The following TCP11L1 variants were observed in gnomAD, a reference collection of about 807,000 sequenced individuals.
The protein encoded by TCP11L1 is t-complex 11 like 1.
TCP11L1 carries 28 observed loss-of-function variants against 48.9 expected under a neutral mutation model. The observed-to-expected ratio is 0.57, with a 90% CI of 0.42 to 0.78. The LOEUF is 0.78. Ranked by LOEUF, TCP11L1 falls within the 30% of genes least tolerant of loss-of-function variation. The pLI, the probability that TCP11L1 is intolerant of heterozygous loss-of-function variation, is 0.00. For synonymous variants in TCP11L1, 204 were observed against 231.9 expected (o/e 0.88, Z 1.09); for missense variants, 505 against 613.4 (o/e 0.82, Z 1.87).
intron 3 of TCP11L1, among the ~76,000 whole-genome samples, chr11:33,055,974 T>G (rs185533395): frequency 6.0e-4 from 92 of 152,112 alleles, no homozygotes; most frequent in Non-Finnish European, 9.7e-4. Flanking sequence ...TGCGCCACCA[T>G]GCCCAGCTAA....
At chr11:33,068,615 C>A in intron 8 of TCP11L1, 72 bp from the exon 9 acceptor site, 1 of 1,536,614 alleles carries the variant, frequency 6.5e-7, no homozygotes. Context: ...CATTCTCACC[C>A]GGGTGTGGGC....
chr11:33,065,872 C>T lies in TCP11L1; in HGVS notation c.1015C>T (p.Gln339Ter). The change falls in exon 8 of 10, where the codon CAG (glutamine) becomes TAG (stop). Residue 339 changes from glutamine (Q) to a stop codon, truncating the protein, a stop_gained. Transcript: ENST00000334274. LOFTEE classifies it high-confidence loss of function. ...GTCTCGCTTCCACGAGCTCCAGTTG[C>T]AGCTGGAACAACTGACCATCCTGGG... ...DQSRFHELQL[Q>*]LEQLTILGAV... The T allele has an allele frequency of 1.2e-6, 2 of 1,614,098 alleles. No individual in the cohort carries two copies. Among genetic ancestry groups the T allele is most frequent in the Non-Finnish European group, 1.7e-6 (2 of 1,179,968 alleles).
At chr11:33,060,334 C>T (rs1306758400) in intron 6 of TCP11L1, among the ~76,000 whole-genome samples, 1 of 152,182 alleles carries the variant, frequency 6.6e-6, no homozygotes, top group Non-Finnish European at 1.5e-5. Flanking sequence ...ACATGAAAGC[C>T]TGGGTTTCCC....
At position 33,062,925 on chromosome 11, in the gene TCP11L1, C is replaced by T. The variant is rs556314143; in HGVS notation, c.972+1199C>T. ...ATTGAATTGCTCAGGCTAGGTGGTACGACAGCTCACTGTAACTTTGAACTT... is the reference window on the plus strand; with the variant it reads ...ATTGAATTGCTCAGGCTAGGTGGTATGACAGCTCACTGTAACTTTGAACTT... On this transcript the variant is annotated intron_variant, in intron 7 of 9. Coordinates refer to ENST00000334274, the MANE Select transcript of TCP11L1 (RefSeq NM_018393.4). Among the ~76,000 whole-genome samples, 9 of 152,244 alleles carry T rather than the reference C, an allele frequency of 5.9e-5. No homozygotes were observed. In the South Asian group the frequency reaches 1.5e-3, roughly 25 times the overall value.
At chr11:33,044,065 G>T (rs1853916219) in intron 2 of TCP11L1, 129 bp downstream of exon 2, 1 of 936,316 alleles carries the variant, frequency 1.1e-6, no homozygotes, top group Non-Finnish European at 1.5e-6. Context: ...GTAGCATTTA[G>T]GAATAATAGC....
In TCP11L1 at chr11:33,065,933, C is replaced by T. The variant is rs767546104; in HGVS notation, c.1076C>T (p.Pro359Leu). Residue 359 changes from proline to leucine, a missense_variant, in exon 8 of 10, where the codon CCA becomes CTA. Pro to Leu is a moderately conservative substitution (Grantham distance 98). This residue lies in a region of TCP11L1 where 335 missense variants were observed against 413.3 expected (regional missense o/e 0.81). Coordinates refer to ENST00000334274, the MANE Select transcript of TCP11L1 (RefSeq NM_018393.4). ...VLLVTFSMAA[P>L]GISSQADFAE... is the part of the protein sequence containing the mutation. Reference sequence around the variant, plus strand: ...CTGGTCACCTTCAGCATGGCAGCGCCAGGAATTTCCAGCCAGGCCGACTTT... The same window carrying T: ...CTGGTCACCTTCAGCATGGCAGCGCTAGGAATTTCCAGCCAGGCCGACTTT... The T allele has an allele frequency of 6.2e-7, 1 of 1,614,196 alleles. No homozygotes were observed. The highest frequency in any genetic ancestry group is 2.2e-5 in the East Asian group (1 of 44,892).
chr11:33,048,658 A>G, intron 2 of TCP11L1, among the ~76,000 whole-genome samples: 1 of 152,166 alleles, frequency 6.6e-6, no homozygotes, highest in East Asian at 1.9e-4. Context: ...CTTCTTCCTA[A>G]TGGTGAGGTT....
chr11:33,069,179 G>A (rs950263093), intron 9 of TCP11L1, among the ~76,000 whole-genome samples: 11 of 152,170 alleles, frequency 7.2e-5, no homozygotes, highest in Admixed American at 5.9e-4. Context: ...TTACAAGGTC[G>A]CTGCAGGAAC....
chr11:33,064,137 G>A (rs1854543047), intron 7 of TCP11L1, among the ~76,000 whole-genome samples: 1 of 151,798 alleles, frequency 6.6e-6, no homozygotes, highest in African/African-American at 2.4e-5. Context: ...AAACCCTCTC[G>A]TAAAAAAAAT....
At position 33,043,419 on chromosome 11, in the gene TCP11L1, A is replaced by C. The variant is rs1428489130; in HGVS notation, c.-24-331A>C. On this transcript the variant is annotated intron_variant, in intron 1 of 9. Coordinates refer to ENST00000334274, the MANE Select transcript of TCP11L1 (RefSeq NM_018393.4). ...GAATTTAAGATTGAATCACTGATTA[A>C]AATTGTAGCAGCAGGTAGTTTAGAG... Among the ~76,000 whole-genome samples the C allele has an allele frequency of 2.0e-5, 3 of 152,230 alleles. No individual in the cohort carries two copies. The East Asian group carries it at 5.8e-4, about 29-fold the overall frequency.
At position 33,072,686 on chromosome 11, in the gene TCP11L1, A is replaced by C. The variant is rs112726317; in HGVS notation, c.*10A>C. On this transcript the variant is annotated 3_prime_UTR_variant, in exon 10 of 10. Transcript: ENST00000334274. ...CCTCGTCCGATCCTAACGTGTATGC[A>C]CCCTACAGCAGCAGTATTACTCACT... 6.2e-7 allele frequency: 1 copy of C among 1,613,806 alleles called. No individual in the cohort carries two copies. Among genetic ancestry groups the C allele is most frequent in the Admixed American group, 1.7e-5 (1 of 59,994 alleles).
At chr11:33,048,197 A>G (rs368294159) in intron 2 of TCP11L1, among the ~76,000 whole-genome samples, 2 of 107,814 alleles carry the variant, frequency 1.9e-5, no homozygotes, top group African/African-American at 3.8e-5. Flanking sequence ...TTTTTTTTTT[A>G]AGACCGGATC....
At position 33,054,919 on chromosome 11, in the gene TCP11L1, T is replaced by C. The variant is rs529109962; in HGVS notation, c.296+194T>C. On this transcript the variant is annotated intron_variant, in intron 3 of 9. Transcript: ENST00000334274. ...TAAAAATCTTTTGTGAAAGTCTGCC[T>C]ACTCAGTAGGATCTAGCTGCCTCAT... Among the ~76,000 whole-genome samples the C allele has an allele frequency of 4.7e-4, 72 of 152,396 alleles. 1 individual carries two copies. Among genetic ancestry groups the C allele is most frequent in the South Asian group, 1.0e-3 (5 of 4,832 alleles).
intron 9 of TCP11L1, among the ~76,000 whole-genome samples, chr11:33,071,462 A>G (rs1481113902): frequency 6.6e-6 from 1 of 152,208 alleles, no homozygotes; most frequent in Non-Finnish European, 1.5e-5. Context: ...TCTATTCCAT[A>G]TAAATGTCTC....
chr11:33,066,999 A>G (rs1341315496), intron 8 of TCP11L1, among the ~76,000 whole-genome samples: 2 of 152,058 alleles, frequency 1.3e-5, no homozygotes, highest in Non-Finnish European at 2.9e-5. Flanking sequence ...GTTGCTACCC[A>G]CTGAATTGCT....
In TCP11L1 at chr11:33,050,173, T is replaced by G. The variant is rs1278497086; in HGVS notation, c.164-4420T>G. Among the ~76,000 whole-genome samples, 3 of 152,150 alleles carry G rather than the reference T, an allele frequency of 2.0e-5. 1 individual carries two copies. The highest frequency in any genetic ancestry group is 7.2e-5 in the African/African-American group (3 of 41,434). ...CAGGGTTGGGACAAGGGTTACAGAT[T>G]AACAACATCTCAAGGCAGAAGAATT... On this transcript the variant is annotated intron_variant, in intron 2 of 9. Coordinates refer to ENST00000334274, the MANE Select transcript of TCP11L1 (RefSeq NM_018393.4).
chr11:33,042,272 A>G (rs1853859044), intron 1 of TCP11L1, among the ~76,000 whole-genome samples: 1 of 152,158 alleles, frequency 6.6e-6, no homozygotes, highest in Admixed American at 6.5e-5. Flanking sequence ...TTGGGACTAC[A>G]GGCACCGCCA....
At chr11:33,047,759 T>A (rs1376781925) in intron 2 of TCP11L1, among the ~76,000 whole-genome samples, 2 of 152,232 alleles carry the variant, frequency 1.3e-5, no homozygotes, top group African/African-American at 4.8e-5. Flanking sequence ...CTCATGGAGC[T>A]TGCAGGCTAG....
chr11:33,061,359 A>AT (rs1409154717), intron 6 of TCP11L1, among the ~76,000 whole-genome samples, 171 bp from the exon 7 acceptor site: 1 of 152,194 alleles, frequency 6.6e-6, no homozygotes, highest in African/African-American at 2.4e-5. Flanking sequence ...CTTGCCTGAG[A>AT]TCCCTCAGTT....
Sources: allele counts gnomAD v4.1 joint callset (sites outside exome capture counted in the v4.1 genomes callset), GRCh38; gene constraint gnomAD v4.1.1; regional missense constraint gnomAD v4.1.1; transcripts MANE v1.5; gene names NCBI Gene and HGNC (gene_info 2026-07-23, HGNC 2026-07-21).